ACOXL: variants seen among roughly 807,000 people sequenced by gnomAD.
ACOXL encodes acyl-coenzyme A oxidase-like protein.
In ACOXL, 70 loss-of-function variants were observed where a neutral mutation model predicts 71.9. That is an observed-to-expected ratio of 0.97 (90% confidence interval 0.80 to 1.19). ACOXL has a LOEUF of 1.19. ACOXL is among the 50% of genes most tolerant of loss of function. The probability of loss-of-function intolerance (pLI) is 0.00; values close to 1 mark genes in which losing one functional copy is unlikely to be tolerated. For missense variants in ACOXL, 703 were observed against 736.3 expected (o/e 0.95, Z 0.52); for synonymous variants, 253 against 281.6 (o/e 0.90, Z 1.02).
intron 9 of ACOXL, among the ~76,000 whole-genome samples, chr2:110,807,879 T>TA (rs1209566663): frequency 6.6e-6 from 1 of 152,204 alleles, no homozygotes; most frequent in Non-Finnish European, 1.5e-5. Flanking sequence ...CCTTGTGTAT[T>TA]AAAAAACTGT....
At chr2:110,942,976 AGAGTG>A (rs1330333339) in intron 12 of ACOXL, among the ~76,000 whole-genome samples, 2 of 139,118 alleles carry the variant, frequency 1.4e-5, no homozygotes, top group Admixed American at 7.1e-5. Flanking sequence ...AAAAAAAAGA[AGAGTG>A]GGAGGGAGGG....
rs183453677 is a variant in ACOXL at position 110,957,621 on chromosome 2, T to C, written c.1059+23979T>C. Reference sequence around the variant, plus strand: ...CGTTCCTCTGTGTGTGTCTGTGTCCTGATATCCTCTTATAAGGATGCCAGG... The same window carrying C: ...CGTTCCTCTGTGTGTGTCTGTGTCCCGATATCCTCTTATAAGGATGCCAGG... On this transcript the variant is annotated intron_variant, in intron 12 of 17. Transcript: ENST00000439055. Among the ~76,000 whole-genome samples the C allele has an allele frequency of 7.9e-5, 12 of 152,322 alleles. No homozygotes were observed. The East Asian group carries it at 2.3e-3, about 29-fold the overall frequency.
chr2:110,993,065 CA>C (rs1180024576), intron 13 of ACOXL, among the ~76,000 whole-genome samples: 1 of 152,146 alleles, frequency 6.6e-6, no homozygotes, highest in African/African-American at 2.4e-5. Context: ...TGATCCATTT[CA>C]AAATAAACTG....
intron 9 of ACOXL, among the ~76,000 whole-genome samples, chr2:110,840,992 CT>C (rs1227024731): frequency 6.6e-6 from 1 of 152,128 alleles, no homozygotes; most frequent in African/African-American, 2.4e-5. Context: ...TAATGCCAAC[CT>C]TGGAATCAGC....
intron 1 of ACOXL, among the ~76,000 whole-genome samples, chr2:110,735,499 C>T (rs1035682277): frequency 6.6e-6 from 1 of 152,196 alleles, no homozygotes; most frequent in Non-Finnish European, 1.5e-5. Context: ...AACAGTTTTC[C>T]TCCAAAAGAG....
At chr2:111,033,227 G>C (rs3789088) in intron 15 of ACOXL, among the ~76,000 whole-genome samples, 22,038 of 152,180 alleles carry the variant, frequency 0.14, 1,712 homozygotes, top group Middle Eastern at 0.23. Flanking sequence ...GGGACTATGG[G>C]TCATGAAGGC....
chr2:110,972,377 A>G (rs1035504861), intron 12 of ACOXL, among the ~76,000 whole-genome samples: 8 of 152,154 alleles, frequency 5.3e-5, no homozygotes, highest in African/African-American at 1.9e-4. Context: ...GTTTTGACCA[A>G]TTTGCTAGAC....
intron 10 of ACOXL, among the ~76,000 whole-genome samples, chr2:110,856,706 G>A (rs1446216256): frequency 2.6e-5 from 4 of 152,214 alleles, no homozygotes; most frequent in Non-Finnish European, 5.9e-5. Flanking sequence ...ATTTGTGGGT[G>A]GAAGACATGG....
At chr2:111,040,690 G>C (rs1450623457) in intron 15 of ACOXL, among the ~76,000 whole-genome samples, 1 of 152,204 alleles carries the variant, frequency 6.6e-6, no homozygotes, top group Non-Finnish European at 1.5e-5. Flanking sequence ...AGCAGCATTT[G>C]AGACTTTGCC....
chr2:110,880,794 C>T (rs937537155), intron 10 of ACOXL, among the ~76,000 whole-genome samples: 1 of 152,172 alleles, frequency 6.6e-6, no homozygotes, highest in East Asian at 1.9e-4. Context: ...ACCTAGGCAA[C>T]AGAGTGAGAC....
chr2:111,005,124 T>G (rs926085741), intron 14 of ACOXL, among the ~76,000 whole-genome samples: 2 of 152,220 alleles, frequency 1.3e-5, no homozygotes. Context: ...AAGGGCTGAT[T>G]CCTGTTTTCT....
At chr2:110,985,283 T>C (rs1031771406) in intron 12 of ACOXL, among the ~76,000 whole-genome samples, 8 of 152,206 alleles carry the variant, frequency 5.3e-5, no homozygotes, top group Non-Finnish European at 1.2e-4. Flanking sequence ...CATAAAAATG[T>C]ACATGTTCTT....
At chr2:110,844,112 G>A (rs1691502982) in intron 10 of ACOXL, among the ~76,000 whole-genome samples, 1 of 152,192 alleles carries the variant, frequency 6.6e-6, no homozygotes. Context: ...AGTGATTGCA[G>A]TAACTCAGAG....
At chr2:111,007,355 A>G (rs533408736) in intron 14 of ACOXL, among the ~76,000 whole-genome samples, 32 of 152,178 alleles carry the variant, frequency 2.1e-4, no homozygotes, top group Admixed American at 7.8e-4. Context: ...GGGATTTTCT[A>G]TTTTCCTCAT....
intron 16 of ACOXL, 142 bp from the exon 17 acceptor site, chr2:111,092,723 G>T: frequency 1.6e-6 from 1 of 612,510 alleles, no homozygotes. Flanking sequence ...TCCAAAACAT[G>T]GCCATTTTAC....
chr2:110,794,851 A>AT (rs1330899019), intron 5 of ACOXL, among the ~76,000 whole-genome samples: 1 of 151,238 alleles, frequency 6.6e-6, no homozygotes, highest in Middle Eastern at 3.2e-3. Context: ...GTCTCTCTAC[A>AT]TTGCTATCTC....
intron 17 of ACOXL, among the ~76,000 whole-genome samples, chr2:111,102,714 G>T (rs1313939506): frequency 6.6e-6 from 1 of 152,020 alleles, no homozygotes; most frequent in Admixed American, 6.6e-5. Context: ...ATGCAGTTAA[G>T]GATAGTGGAT....
intron 9 of ACOXL, among the ~76,000 whole-genome samples, chr2:110,839,010 CAT>C (rs1690808125): frequency 6.6e-6 from 1 of 152,216 alleles, no homozygotes; most frequent in Admixed American, 6.5e-5. Context: ...GACAATAAAA[CAT>C]ATTTTATTCA....
intron 16 of ACOXL, among the ~76,000 whole-genome samples, chr2:111,061,377 GA>G (rs1203681213): frequency 6.6e-6 from 1 of 152,006 alleles, no homozygotes; most frequent in Admixed American, 6.6e-5. Context: ...TAAAGTGTTA[GA>G]AAAAAAGGAA....
Sources: gnomAD v4.1 joint callset for allele counts (sites outside exome capture counted in the v4.1 genomes callset) on GRCh38, gnomAD v4.1.1 for gene constraint, MANE v1.5 for transcripts, NCBI Gene and HGNC (gene_info 2026-07-23, HGNC 2026-07-21) for gene names.